The following GAD2 variants were observed in gnomAD, a reference collection of about 807,000 sequenced individuals.
The protein encoded by GAD2 is glutamate decarboxylase 2.
In GAD2, 22 loss-of-function variants were observed where a neutral mutation model predicts 80.1. That is an observed-to-expected ratio of 0.27 (90% CI 0.20 to 0.39). The LOEUF (loss-of-function observed/expected upper bound fraction) is 0.39. Ranked by LOEUF, GAD2 falls within the 10% of genes least tolerant of loss-of-function variation. The probability of loss-of-function intolerance (pLI) is 1.00; values close to 1 mark genes in which losing one functional copy is unlikely to be tolerated. For synonymous variants in GAD2, 274 were observed against 256.9 expected, an observed-to-expected ratio of 1.07 and a Z score of -0.64; for missense variants, 624 against 738.4, an observed-to-expected ratio of 0.85 and a Z score of 1.80.
chr10:26,274,996 G>A (rs934542904), intron 11 of GAD2, among the ~76,000 whole-genome samples: 1 of 152,228 alleles, frequency 6.6e-6, no homozygotes, highest in African/African-American at 2.4e-5. Context: ...GAGGGCAGGT[G>A]TGTCTCCCTC....
chr10:26,223,814 G>C (rs8190614), intron 4 of GAD2, 73 bp from the exon 5 acceptor site: 39 of 963,610 alleles, frequency 4.0e-5, no homozygotes, highest in East Asian at 2.7e-4. Flanking sequence ...CCTTTAGCTA[G>C]AGAAATCATG....
intron 7 of GAD2, among the ~76,000 whole-genome samples, chr10:26,238,568 A>G (rs972296250): frequency 6.6e-6 from 1 of 152,194 alleles, no homozygotes; most frequent in South Asian, 2.1e-4. Flanking sequence ...TAAGCTCACA[A>G]TGGGGCCACC....
At chr10:26,224,714 C>T (rs775776729) in intron 6 of GAD2, 63 bp downstream of exon 6, 124 of 1,197,952 alleles carry the variant, frequency 1.0e-4, no homozygotes, top group Middle Eastern at 5.7e-4. Flanking sequence ...TGTTGTAAAC[C>T]TAGGGAAGAT....
chr10:26,227,229 G>A (rs774366290), intron 6 of GAD2, among the ~76,000 whole-genome samples: 1 of 152,212 alleles, frequency 6.6e-6, no homozygotes, highest in Middle Eastern at 3.2e-3. Context: ...CTGACCTCAG[G>A]TGATCTGCCC....
At chr10:26,243,153 T>G (rs1844764232) in intron 7 of GAD2, among the ~76,000 whole-genome samples, 1 of 152,206 alleles carries the variant, frequency 6.6e-6, no homozygotes, top group Non-Finnish European at 1.5e-5. Flanking sequence ...CACTTTGTCA[T>G]TCTTAGGTTG....
intron 8 of GAD2, among the ~76,000 whole-genome samples, chr10:26,263,556 A>AT (rs924186290): frequency 2.0e-5 from 3 of 152,180 alleles, no homozygotes; most frequent in African/African-American, 7.2e-5. Flanking sequence ...ATCTTCAACA[A>AT]TTTTTTCCCC....
chr10:26,265,789 G>A (rs755448109), intron 8 of GAD2, among the ~76,000 whole-genome samples: 6 of 152,206 alleles, frequency 3.9e-5, no homozygotes, highest in African/African-American at 9.7e-5. Context: ...GGCACCAGGC[G>A]ATGCTTGTGC....
chr10:26,235,381 C>A (rs1844659134), intron 7 of GAD2, among the ~76,000 whole-genome samples: 1 of 152,154 alleles, frequency 6.6e-6, no homozygotes, highest in Admixed American at 6.5e-5. Context: ...TTCTAAATGA[C>A]CCTTCACTCT....
upstream of GAD2, chr10:26,216,773 C>T (rs371489793): frequency 9.1e-5 from 144 of 1,579,170 alleles, no homozygotes; most frequent in Middle Eastern, 1.7e-4. The surrounding 1 kb of genome is among the most constrained non-coding windows in gnomAD (Gnocchi z 4.7). Flanking sequence ...GCCCGCAGCT[C>T]GCACTCGCAG....
chr10:26,277,678 G>C (rs11015026), intron 11 of GAD2, among the ~76,000 whole-genome samples: 37,074 of 152,046 alleles, frequency 0.24, 5,204 homozygotes, highest in African/African-American at 0.38. Flanking sequence ...ACCTAGGAGA[G>C]GGGGAGAGAG....
At chr10:26,241,434 C>T (rs1390622338) in intron 7 of GAD2, among the ~76,000 whole-genome samples, 2 of 152,186 alleles carry the variant, frequency 1.3e-5, no homozygotes, top group African/African-American at 4.8e-5. Flanking sequence ...GAGTAGGATG[C>T]TGTCCTCTCC....
Position 26,300,831 on chromosome 10 carries a change from C to T in GAD2, c.1628C>T (p.Thr543Ile). ...GCCAGAATGATGGAGTATGGAACCA[C>T]AATGGTCAGCTACCAACCCTTGGGA... ...IKARMMEYGT[T>I]MVSYQPLGDK... The change falls in exon 16 of 16, where the codon ACA becomes ATA. Residue 543 changes from threonine (T) to isoleucine (I), a missense_variant. Physicochemically the swap from Thr to Ile is moderately conservative, Grantham distance 89. Transcript: ENST00000376261. 2 of 1,613,858 alleles carry T rather than the reference C, an allele frequency of 1.2e-6. No individual in the cohort carries two copies. The highest frequency in any genetic ancestry group is 1.3e-5 in the African/African-American group (1 of 75,044).
chr10:26,218,393 A>G (rs1844409068), intron 3 of GAD2: 1 of 174,360 alleles, frequency 5.7e-6, no homozygotes, highest in East Asian at 1.6e-4. Flanking sequence ...TCTTTAGATC[A>G]CGAGAGTGAT....
chr10:26,293,201 G>A (rs1234414023), intron 15 of GAD2, among the ~76,000 whole-genome samples: 15 of 117,264 alleles, frequency 1.3e-4, no homozygotes, highest in Admixed American at 8.1e-4. Flanking sequence ...TTTTTGAGAT[G>A]GAGTCTCACT....
In GAD2 at chr10:26,229,647, TG is replaced by T; in HGVS notation, c.725-14del. 6.4e-7 allele frequency: 1 copy of T among 1,568,346 alleles called. No individual in the cohort carries two copies. The highest frequency in any genetic ancestry group is 8.8e-7 in the Non-Finnish European group (1 of 1,139,352). On this transcript the variant is annotated splice_polypyrimidine_tract_variant and intron_variant, in intron 6 of 15. Transcript: ENST00000376261. The stretch of plus-strand genomic sequence containing the variant: ...GATAATAAATAAAGTAACTGCGTGT[TG>T]CTGTGCACTTTAGGTGGCGCCATAT...
chr10:26,233,429 G>A (rs1000479939), intron 7 of GAD2, among the ~76,000 whole-genome samples: 2 of 152,046 alleles, frequency 1.3e-5, no homozygotes, highest in African/African-American at 2.4e-5. Flanking sequence ...GGGGGTTTTC[G>A]GAGCTCATTT....
intron 8 of GAD2, among the ~76,000 whole-genome samples, chr10:26,250,012 G>T (rs1458609936): frequency 1.3e-5 from 2 of 152,066 alleles, no homozygotes; most frequent in African/African-American, 4.8e-5. Flanking sequence ...GAAAGTCAAA[G>T]ATATTTATTT....
chr10:26,225,626 G>T (rs951540777), intron 6 of GAD2, among the ~76,000 whole-genome samples: 3 of 152,062 alleles, frequency 2.0e-5, no homozygotes, highest in Non-Finnish European at 2.9e-5. Flanking sequence ...ATGATGAGGC[G>T]GGGATAGGGG....
chr10:26,233,561 C>T (rs1844633026), intron 7 of GAD2, among the ~76,000 whole-genome samples: 1 of 152,156 alleles, frequency 6.6e-6, no homozygotes, highest in African/African-American at 2.4e-5. Flanking sequence ...ATCGCTAGTT[C>T]CTTCTGGGCT....
Sources: gnomAD v4.1 joint callset for allele counts (sites outside exome capture counted in the v4.1 genomes callset) on GRCh38, gnomAD v4.1.1 for gene constraint, Gnocchi (gnomAD v3.1) non-coding constraint, MANE v1.5 for transcripts, NCBI Gene and HGNC (gene_info 2026-07-23, HGNC 2026-07-21) for gene names.